The following TLN2 variants were observed in gnomAD, a reference collection of about 807,000 sequenced individuals.
The protein encoded by TLN2 is talin 2, also known as talin-2.
Under a neutral mutation model 294.7 loss-of-function variants are expected in TLN2, and 118 were observed. The ratio of observed to expected loss-of-function variants is 0.40; its 90% CI spans 0.34 to 0.47. The LOEUF is 0.47. Ranked by LOEUF, TLN2 falls within the 20% of genes least tolerant of loss-of-function variation. TLN2 has a pLI of 0.84. For synonymous variants in TLN2, 1,431 were observed against 1,304.5 expected, an observed-to-expected ratio of 1.10 and a Z score of -2.09; for missense variants, 3,083 against 3,282.2, an observed-to-expected ratio of 0.94 and a Z score of 1.48.
chr15:62,667,568 A>G (rs1302080002), intron 9 of TLN2, among the ~76,000 whole-genome samples: 2 of 152,132 alleles, frequency 1.3e-5, no homozygotes, highest in Non-Finnish European at 1.5e-5. Flanking sequence ...CTTGTTTTCA[A>G]TTCGTATGAG....
At chr15:62,569,249 A>G (rs1353040153) in intron 1 of TLN2, among the ~76,000 whole-genome samples, 3 of 152,188 alleles carry the variant, frequency 2.0e-5, no homozygotes, top group African/African-American at 7.2e-5. Flanking sequence ...ATTTTCCAAA[A>G]TAAGGTCACA....
chr15:62,477,910 GTGCAGCGGGGGCAGAGGGGAGCGGGGCGT>G (rs2037866971), intron 1 of TLN2, among the ~76,000 whole-genome samples: 1 of 120,916 alleles, frequency 8.3e-6, no homozygotes, highest in African/African-American at 3.1e-5. Flanking sequence ...GGAGGGGGGG[GTGCAGCGGGGGCAGAGGGGAGCGGGGCGT>G]TGCAGGCTCA....
Position 62,519,056 on chromosome 15 carries a change from A to G in TLN2, c.-237-70631A>G, listed in dbSNP as rs556025622. Among the ~76,000 whole-genome samples, 3 of 152,300 alleles carry G rather than the reference A, an allele frequency of 2.0e-5. No homozygotes were observed. In the South Asian group the frequency reaches 6.2e-4, roughly 32 times the overall value. On this transcript the variant is annotated intron_variant, in intron 1 of 58. Transcript: ENST00000636159. ...TAGCTACTACTATTGTTCTTATTTTATGGATAAAGAAACTGAAGTTTAAGT... is the reference window on the plus strand; with the variant it reads ...TAGCTACTACTATTGTTCTTATTTTGTGGATAAAGAAACTGAAGTTTAAGT...
intron 33 of TLN2, among the ~76,000 whole-genome samples, chr15:62,748,876 A>G (rs748115643): frequency 7.2e-5 from 11 of 152,238 alleles, no homozygotes; most frequent in Admixed American, 3.3e-4. Context: ...CATACACTGC[A>G]TCTGTACCAT....
chr15:62,657,989 A>T (rs2053402365), intron 9 of TLN2, 91 bp downstream of exon 9: 2 of 1,231,218 alleles, frequency 1.6e-6, no homozygotes, highest in South Asian at 1.6e-5. Flanking sequence ...CTAAGATCAT[A>T]CCCTAATTTC....
At chr15:62,509,560 G>A (rs1418009503) in intron 1 of TLN2, among the ~76,000 whole-genome samples, 1 of 152,196 alleles carries the variant, frequency 6.6e-6, no homozygotes, top group Non-Finnish European at 1.5e-5. Flanking sequence ...GTGTGGGTGC[G>A]AGGGTCATCC....
chr15:62,643,837 C>A (rs2051470934), intron 3 of TLN2, among the ~76,000 whole-genome samples: 1 of 152,074 alleles, frequency 6.6e-6, no homozygotes, highest in African/African-American at 2.4e-5. Context: ...CCGCAATAGA[C>A]CCGGGCAGCC....
chr15:62,688,531 G>A (rs894290476), intron 12 of TLN2, among the ~76,000 whole-genome samples: 1 of 152,142 alleles, frequency 6.6e-6, no homozygotes, highest in Non-Finnish European at 1.5e-5. Flanking sequence ...ATTAGTTGAT[G>A]GTGGTGTTCC....
chr15:62,820,518 G>GT lies in TLN2; in HGVS notation c.6911dup (p.Ile2305HisfsTer18), dbSNP rs1183484507. ...GTGGGTGGATCCAGAAGACCCAACT[G>GT]TCATTGCAGAAACAGAGTTACTGGG... is the stretch of plus-strand genomic sequence containing the variant. On this transcript the variant is annotated frameshift_variant, in exon 54 of 59. Coordinates refer to ENST00000636159, the MANE Select transcript of TLN2 (RefSeq NM_015059.3). LOFTEE classifies it high-confidence loss of function. 6.2e-7 allele frequency: 1 copy of GT among 1,613,992 alleles called. No homozygotes were observed. Among genetic ancestry groups the GT allele is most frequent in the Non-Finnish European group, 8.5e-7 (1 of 1,179,936 alleles).
At chr15:62,776,020 A>G (rs1469756357) in intron 42 of TLN2, among the ~76,000 whole-genome samples, 1 of 152,244 alleles carries the variant, frequency 6.6e-6, no homozygotes, top group Non-Finnish European at 1.5e-5. Flanking sequence ...AGCCAGAACT[A>G]GAACCCAGGT....
chr15:62,691,801 C>T (rs2057939465), intron 12 of TLN2, among the ~76,000 whole-genome samples: 2 of 151,772 alleles, frequency 1.3e-5, no homozygotes, highest in Non-Finnish European at 2.9e-5. Context: ...TCTTGAGGAG[C>T]TGGAACTGCA....
intron 57 of TLN2, among the ~76,000 whole-genome samples, chr15:62,838,602 C>T (rs2070114486): frequency 6.6e-6 from 1 of 152,164 alleles, no homozygotes; most frequent in African/African-American, 2.4e-5. Flanking sequence ...TGTAATTCCC[C>T]TCAAAAATGA....
chr15:62,608,872 C>G (rs562483346), intron 2 of TLN2, among the ~76,000 whole-genome samples: 1 of 151,846 alleles, frequency 6.6e-6, no homozygotes, highest in Admixed American at 6.6e-5. Context: ...TATTTCTAAA[C>G]GAAGGAGAGC....
At chr15:62,775,315 G>A (rs2063637872) in intron 42 of TLN2, among the ~76,000 whole-genome samples, 1 of 152,142 alleles carries the variant, frequency 6.6e-6, no homozygotes, top group Non-Finnish European at 1.5e-5. Context: ...AAAAATGTAT[G>A]AGATGCTCTT....
intron 11 of TLN2, among the ~76,000 whole-genome samples, chr15:62,683,477 T>C (rs966755435): frequency 7.4e-6 from 1 of 135,490 alleles, no homozygotes; most frequent in African/African-American, 2.8e-5. Context: ...CCGCCTCTCA[T>C]TGGTAGAATG....
At chr15:62,391,826 C>G (rs1208567879) in intron 1 of TLN2, among the ~76,000 whole-genome samples, 3 of 152,236 alleles carry the variant, frequency 2.0e-5, no homozygotes, top group Non-Finnish European at 4.4e-5. Flanking sequence ...CTTGGGGCTC[C>G]GAGGCTCAGG....
At chr15:62,634,013 C>T (rs190091969) in intron 3 of TLN2, among the ~76,000 whole-genome samples, 22 of 152,302 alleles carry the variant, frequency 1.4e-4, no homozygotes, top group African/African-American at 4.1e-4. Flanking sequence ...ATAAGGACAA[C>T]GGTCAATTCG....
At chr15:62,427,568 G>C (rs757412929) in intron 1 of TLN2, among the ~76,000 whole-genome samples, 1 of 152,004 alleles carries the variant, frequency 6.6e-6, no homozygotes, top group Non-Finnish European at 1.5e-5. Context: ...TTGCTGGGCT[G>C]GGGGGTGGAT....
At chr15:62,769,613 T>A (rs1453207487) in intron 41 of TLN2, among the ~76,000 whole-genome samples, 2 of 152,226 alleles carry the variant, frequency 1.3e-5, no homozygotes, top group Non-Finnish European at 2.9e-5. Flanking sequence ...TAATTAAGTT[T>A]TATTTTTTGG....
Sources: allele counts gnomAD v4.1 joint callset (sites outside exome capture counted in the v4.1 genomes callset), GRCh38; gene constraint gnomAD v4.1.1; transcripts MANE v1.5; gene names NCBI Gene and HGNC (gene_info 2026-07-23, HGNC 2026-07-21).